Variants in RMDN2 observed in about 807,000 individuals in gnomAD.
The protein encoded by RMDN2 is regulator of microtubule dynamics 2.
In RMDN2, 61 loss-of-function variants were observed where a neutral mutation model predicts 52.8. The ratio of observed to expected loss-of-function variants is 1.16; its 90% CI spans 0.94 to 1.43. The LOEUF (loss-of-function observed/expected upper bound fraction) is 1.43, where lower values mean the gene tolerates loss of function less well. Ranked by LOEUF, RMDN2 falls within the 40% of genes most tolerant of loss-of-function variation. The pLI is 0.00. For missense variants in RMDN2, 592 were observed against 475.3 expected, an observed-to-expected ratio of 1.25 and a Z score of -2.28; for synonymous variants, 180 against 153.1, an observed-to-expected ratio of 1.18 and a Z score of -1.30.
chr2:37,964,194 C>T (rs546695028), intron 2 of RMDN2, among the ~76,000 whole-genome samples: 1 of 150,802 alleles, frequency 6.6e-6, no homozygotes, highest in African/African-American at 2.4e-5. Context: ...AGCTGCCGGG[C>T]GGAGGGGCTC....
At chr2:37,936,579 A>C (rs1026080044) in intron 2 of RMDN2, among the ~76,000 whole-genome samples, 2 of 152,172 alleles carry the variant, frequency 1.3e-5, no homozygotes, top group African/African-American at 4.8e-5. Flanking sequence ...TTTAATGATC[A>C]CCATTCTAAC....
chr2:38,024,240 C>G (rs1157952133), intron 10 of RMDN2, among the ~76,000 whole-genome samples: 1 of 152,176 alleles, frequency 6.6e-6, no homozygotes, highest in East Asian at 1.9e-4. Flanking sequence ...AACAAATCAT[C>G]TATGAAAATT....
intron 10 of RMDN2, among the ~76,000 whole-genome samples, chr2:38,060,646 C>T (rs1315598342): frequency 6.6e-6 from 1 of 152,150 alleles, no homozygotes; most frequent in Non-Finnish European, 1.5e-5. Context: ...CTGGGATTCA[C>T]AAACATCCAC....
intron 2 of RMDN2, among the ~76,000 whole-genome samples, chr2:37,972,269 A>G (rs772458914): frequency 6.6e-6 from 1 of 152,204 alleles, no homozygotes; most frequent in Non-Finnish European, 1.5e-5. Context: ...AAATAATCAT[A>G]ACATCTGCAA....
chr2:38,020,454 C>G (rs775309053), downstream of RMDN2, among the ~76,000 whole-genome samples: 2 of 152,228 alleles, frequency 1.3e-5, no homozygotes, highest in Non-Finnish European at 2.9e-5. Context: ...CTGTGGGAGC[C>G]CCTTCCTGAG....
At chr2:37,972,522 C>T (rs1472098043) in intron 2 of RMDN2, among the ~76,000 whole-genome samples, 1 of 152,088 alleles carries the variant, frequency 6.6e-6, no homozygotes, top group Non-Finnish European at 1.5e-5. Context: ...GCCTTGTAGA[C>T]CCCTGAAAGG....
intron 2 of RMDN2, among the ~76,000 whole-genome samples, chr2:37,943,722 A>C (rs1418145388): frequency 6.6e-6 from 1 of 152,064 alleles, no homozygotes; most frequent in East Asian, 1.9e-4. Flanking sequence ...TTATATATGC[A>C]TTTTTCATGT....
chr2:38,027,972 T>C (rs1249358945), intron 10 of RMDN2: 1 of 152,206 alleles, frequency 6.6e-6, no homozygotes, highest in Non-Finnish European at 1.5e-5. Flanking sequence ...ATCCCAGATA[T>C]AATGATAGTG....
intron 10 of RMDN2, among the ~76,000 whole-genome samples, chr2:38,011,653 A>C (rs1182686482): frequency 2.6e-5 from 4 of 152,252 alleles, no homozygotes; most frequent in African/African-American, 7.2e-5. Context: ...AGCATAAGGT[A>C]CTAAGAGAAG....
chr2:37,971,937 A>G (rs926316032), intron 2 of RMDN2, among the ~76,000 whole-genome samples: 10 of 152,204 alleles, frequency 6.6e-5, no homozygotes, highest in African/African-American at 2.2e-4. Context: ...TTAACCTGGA[A>G]AGAATTCACA....
chr2:37,946,253 G>A (rs1369421551), intron 2 of RMDN2, among the ~76,000 whole-genome samples: 1 of 152,120 alleles, frequency 6.6e-6, no homozygotes, highest in Non-Finnish European at 1.5e-5. Context: ...GTAGGGGTTG[G>A]AGGTGTAGGG....
At chr2:38,001,510 A>T (rs1676319250) in intron 8 of RMDN2, among the ~76,000 whole-genome samples, 1 of 152,216 alleles carries the variant, frequency 6.6e-6, no homozygotes, top group African/African-American at 2.4e-5. Context: ...TCAGATTTTT[A>T]AACCATGAGA....
chr2:37,998,405 A>G (rs1389207898), intron 8 of RMDN2: 5 of 152,236 alleles, frequency 3.3e-5, no homozygotes, highest in Non-Finnish European at 5.9e-5. Flanking sequence ...GCATAACAAC[A>G]GTCCCAGCTA....
intron 8 of RMDN2, among the ~76,000 whole-genome samples, chr2:37,998,696 C>A (rs2125168106): frequency 6.6e-6 from 1 of 152,146 alleles, no homozygotes. Context: ...AAATAAGTGT[C>A]CTGAAATCAA....
chr2:37,981,433 G>A (rs1033169630), intron 5 of RMDN2, 90 bp downstream of exon 5: 151 of 805,252 alleles, frequency 1.9e-4, no homozygotes, highest in Non-Finnish European at 1.2e-4. Context: ...TGACTCATAC[G>A]TTTAATCTGT....
At chr2:38,032,265 G>A (rs1680263861) in intron 10 of RMDN2, among the ~76,000 whole-genome samples, 1 of 151,932 alleles carries the variant, frequency 6.6e-6, no homozygotes, top group Non-Finnish European at 1.5e-5. Context: ...CCACCTACCT[G>A]TACCACAGCC....
chr2:37,973,271 G>A (rs1422476756), intron 2 of RMDN2, among the ~76,000 whole-genome samples: 1 of 152,158 alleles, frequency 6.6e-6, no homozygotes, highest in East Asian at 1.9e-4. Flanking sequence ...ATGAAATGTA[G>A]GCAATAGTAT....
chr2:37,937,160 G>A (rs1310682551), intron 2 of RMDN2, among the ~76,000 whole-genome samples: 2 of 152,080 alleles, frequency 1.3e-5, no homozygotes, highest in African/African-American at 2.4e-5. Flanking sequence ...ATTAAACAGG[G>A]AATCTTTTCC....
intron 7 of RMDN2, among the ~76,000 whole-genome samples, chr2:37,995,121 G>A (rs113018854): frequency 7.2e-4 from 110 of 152,152 alleles, no homozygotes; most frequent in Non-Finnish European, 1.5e-3. Context: ...CACTTGTAAT[G>A]GAGGAAATTT....
Sources: gnomAD v4.1 joint callset for allele counts (sites outside exome capture counted in the v4.1 genomes callset) on GRCh38, gnomAD v4.1.1 for gene constraint, MANE v1.5 for transcripts, NCBI Gene and HGNC (gene_info 2026-07-23, HGNC 2026-07-21) for gene names.